The following HIPK3 variants were observed in gnomAD, a reference collection of about 807,000 sequenced individuals.
HIPK3 encodes homeodomain-interacting protein kinase 3.
Under a neutral mutation model 124.2 loss-of-function variants are expected in HIPK3, and 47 were observed. The observed-to-expected ratio is 0.38, with a 90% CI of 0.30 to 0.48. The LOEUF is 0.48. Ranked by LOEUF, HIPK3 falls within the 20% of genes least tolerant of loss-of-function variation. The pLI, the probability that HIPK3 is intolerant of heterozygous loss-of-function variation, is 0.98. For synonymous variants in HIPK3, 482 were observed against 515.2 expected (o/e 0.94, Z 0.87); for missense variants, 1,286 against 1,454.3 (o/e 0.88, Z 1.88).
chr11:33,277,808 A>G lies in HIPK3; in HGVS notation c.-2-8605A>G, dbSNP rs78489129. 5.3e-3 allele frequency among the ~76,000 whole-genome samples: 809 copies of G among 152,320 alleles called. 7 individuals carry two copies. Among genetic ancestry groups the G allele is most frequent in the African/African-American group, 0.019 (772 of 41,568 alleles). Reference sequence around the variant, plus strand: ...AGTTCCTGTTGCCCTATTCTTCAACAGTGGATGTTGTCCTACTTCTTTTTG... The same window carrying G: ...AGTTCCTGTTGCCCTATTCTTCAACGGTGGATGTTGTCCTACTTCTTTTTG... On this transcript the variant is annotated intron_variant, in intron 1 of 16. Coordinates refer to ENST00000303296, the MANE Select transcript of HIPK3 (RefSeq NM_005734.5).
At chr11:33,306,833 A>G (rs1394135772) in intron 2 of HIPK3, among the ~76,000 whole-genome samples, 1 of 151,974 alleles carries the variant, frequency 6.6e-6, no homozygotes, top group Non-Finnish European at 1.5e-5. Context: ...AGTCTCCCAT[A>G]GTTGTTTCCT....
intron 6 of HIPK3, 34 bp from the exon 7 acceptor site, chr11:33,340,934 T>C (rs1223830706): frequency 2.3e-6 from 3 of 1,307,580 alleles, no homozygotes; most frequent in Non-Finnish European, 3.1e-6. Flanking sequence ...GCTTTTAAAA[T>C]AATACTGTAA....
rs1459198619 is a variant in HIPK3 at position 33,328,586 on chromosome 11, T to C, written c.1174T>C (p.Leu392=). ...GTCATTGGGATGTGTGATTGCAGAA[T>C]TATTTCTTGGATGGCCGCTCTACCC... ...MWSLGCVIAE[L]FLGWPLYPGA... The change falls in exon 3 of 17, where the codon TTA becomes CTA. Residue 392 remains leucine (L), a synonymous_variant. Transcript: ENST00000303296. 10 of 1,613,766 alleles carry C rather than the reference T, an allele frequency of 6.2e-6. No homozygotes were observed. The highest frequency in any genetic ancestry group is 8.5e-6 in the Non-Finnish European group (10 of 1,179,720).
intron 2 of HIPK3, among the ~76,000 whole-genome samples, chr11:33,327,282 T>C (rs1418346516): frequency 6.6e-6 from 1 of 152,146 alleles, no homozygotes; most frequent in Non-Finnish European, 1.5e-5. Flanking sequence ...GAAAACATGA[T>C]CACTTCTGTG....
intron 2 of HIPK3, among the ~76,000 whole-genome samples, chr11:33,288,842 A>G (rs947106886): frequency 6.6e-6 from 1 of 152,180 alleles, no homozygotes; most frequent in Non-Finnish European, 1.5e-5. Flanking sequence ...GTCCAACATG[A>G]TGGACCTGCC....
At chr11:33,330,582 C>T (rs1299738343) in intron 3 of HIPK3, among the ~76,000 whole-genome samples, 1 of 152,190 alleles carries the variant, frequency 6.6e-6, no homozygotes, top group Non-Finnish European at 1.5e-5. Context: ...CTGCCTCAGC[C>T]TCCCAAAGTG....
At chr11:33,327,606 G>A (rs2133967036) in intron 2 of HIPK3, among the ~76,000 whole-genome samples, 1 of 152,228 alleles carries the variant, frequency 6.6e-6, no homozygotes, top group East Asian at 1.9e-4. Flanking sequence ...TGGTTATGTA[G>A]GAGAATATTC....
intron 2 of HIPK3, among the ~76,000 whole-genome samples, chr11:33,319,710 T>C (rs1280327879): frequency 6.6e-6 from 1 of 152,190 alleles, no homozygotes; most frequent in African/African-American, 2.4e-5. Flanking sequence ...CTTTTGTTGG[T>C]TGATCAATTC....
chr11:33,349,261 C>T lies in HIPK3; in HGVS notation c.2781C>T (p.Ser927=). ...GTACCAGCTCCTCAGGGCAGTCCAG[C>T]CCATCCCCCTGCAAGAGACCGAATA... is the stretch of plus-strand genomic sequence containing the variant. The part of the protein sequence containing the change: ...TLSTSSSGQS[S]PSPCKRPNSM... The change falls in exon 14 of 17, where the codon AGC becomes AGT. Residue 927 remains serine (S), a synonymous_variant. Coordinates refer to ENST00000303296, the MANE Select transcript of HIPK3 (RefSeq NM_005734.5). 1 of 1,613,478 alleles carries T rather than the reference C, an allele frequency of 6.2e-7. No individual in the cohort carries two copies. The highest frequency in any genetic ancestry group is 8.5e-7 in the Non-Finnish European group (1 of 1,179,580).
intron 2 of HIPK3, among the ~76,000 whole-genome samples, chr11:33,316,538 C>T (rs145051156): frequency 6.6e-6 from 1 of 152,114 alleles, no homozygotes; most frequent in South Asian, 2.1e-4. Context: ...GAAAATTGTT[C>T]CTGGCTGGGC....
At chr11:33,313,640 A>C (rs1467544588) in intron 2 of HIPK3, among the ~76,000 whole-genome samples, 1 of 152,140 alleles carries the variant, frequency 6.6e-6, no homozygotes, top group Non-Finnish European at 1.5e-5. Context: ...AAATTATGTC[A>C]ACATGATCAG....
intron 2 of HIPK3, among the ~76,000 whole-genome samples, chr11:33,313,862 A>T (rs796722498): frequency 6.6e-5 from 10 of 152,108 alleles, no homozygotes; most frequent in African/African-American, 1.4e-4. Flanking sequence ...TTATTTTTTT[A>T]AATTTTTTTG....
chr11:33,268,105 G>A (rs111435090), intron 1 of HIPK3, among the ~76,000 whole-genome samples: 3 of 151,952 alleles, frequency 2.0e-5, no homozygotes, highest in Non-Finnish European at 4.4e-5. Context: ...CAGCTGCTCC[G>A]GAGCCTGAGG....
intron 1 of HIPK3, among the ~76,000 whole-genome samples, chr11:33,265,530 TTG>T (rs1850930755): frequency 6.6e-6 from 1 of 151,806 alleles, no homozygotes; most frequent in African/African-American, 2.4e-5. Flanking sequence ...TCCCAGCACT[TTG>T]GGAGGCTGTG....
intron 2 of HIPK3, among the ~76,000 whole-genome samples, chr11:33,292,500 G>T (rs1303340370): frequency 1.3e-5 from 2 of 152,098 alleles, no homozygotes; most frequent in African/African-American, 4.8e-5. Flanking sequence ...TTCTAGGGGA[G>T]CGATGACCCC....
chr11:33,287,697 A>G (rs1349472825), intron 2 of HIPK3, among the ~76,000 whole-genome samples, 186 bp downstream of exon 2: 1 of 152,176 alleles, frequency 6.6e-6, no homozygotes, highest in African/African-American at 2.4e-5. Flanking sequence ...CCCAAGCAGG[A>G]TAGAAATCTC....
chr11:33,299,984 T>G (rs1209208144), intron 2 of HIPK3, among the ~76,000 whole-genome samples: 1 of 133,566 alleles, frequency 7.5e-6, no homozygotes, highest in East Asian at 2.3e-4. Context: ...ACTGTGCCAC[T>G]GCACTCAAGT....
chr11:33,299,077 C>T (rs1014870143), intron 2 of HIPK3, among the ~76,000 whole-genome samples: 1 of 151,736 alleles, frequency 6.6e-6, no homozygotes, highest in Non-Finnish European at 1.5e-5. Context: ...GAACCCCTGA[C>T]CTCAAGTGAT....
rs1233959108 is a variant in HIPK3, at chr11:33,354,940, CTATATAAAGGTAGCTACTTTTTGCA to C, written c.*1375_*1399del. On this transcript the variant is annotated 3_prime_UTR_variant, in exon 17 of 17. Coordinates refer to ENST00000303296, the MANE Select transcript of HIPK3 (RefSeq NM_005734.5). ...CACCAAAGACTTAATCATCCATTTC[CTATATAAAGGTAGCTACTTTTTGCA>C]TAGACCTCAAGTATATTGTAGTGTA... is the stretch of plus-strand genomic sequence containing the variant. 3 of 151,728 alleles carry C rather than the reference CTATATAAAGGTAGCTACTTTTTGCA, an allele frequency of 2.0e-5. No individual in the cohort carries two copies. The highest frequency in any genetic ancestry group is 4.8e-5 in the African/African-American group (2 of 41,274). The allele number at this position is 151,728 out of a possible 1,614,324, so 9.4% of individuals were successfully genotyped here.
Sources: gnomAD v4.1 joint callset for allele counts (sites outside exome capture counted in the v4.1 genomes callset) on GRCh38, gnomAD v4.1.1 for gene constraint, MANE v1.5 for transcripts, NCBI Gene and HGNC (gene_info 2026-07-23, HGNC 2026-07-21) for gene names.